Variants in TUBGCP3 observed in about 807,000 individuals in gnomAD.
TUBGCP3 encodes gamma-tubulin complex component 3.
A neutral mutation model predicts 123.1 loss-of-function variants in TUBGCP3; 50 were observed. The observed-to-expected ratio is 0.41, with a 90% confidence interval of 0.32 to 0.51. The LOEUF (loss-of-function observed/expected upper bound fraction) is 0.51, where lower values mean the gene tolerates loss of function less well. Ranked by LOEUF, TUBGCP3 falls within the 20% of genes least tolerant of loss-of-function variation. The pLI is 0.36. For missense variants in TUBGCP3, 882 were observed against 1,127.0 expected (o/e 0.78, Z 3.11); for synonymous variants, 405 against 413.9 (o/e 0.98, Z 0.26).
At chr13:112,564,881 A>G (rs1880833380) in intron 3 of TUBGCP3, among the ~76,000 whole-genome samples, 1 of 152,216 alleles carries the variant, frequency 6.6e-6, no homozygotes, top group Non-Finnish European at 1.5e-5. Context: ...AATTCTGTTG[A>G]CTTTCCCTGT....
chr13:112,521,129 T>C (rs954524616), intron 14 of TUBGCP3, among the ~76,000 whole-genome samples: 72 of 152,314 alleles, frequency 4.7e-4, no homozygotes, highest in African/African-American at 1.7e-3. Context: ...CTGACCCACA[T>C]ACACACCCCA....
chr13:112,571,115 C>G (rs1050249564), intron 1 of TUBGCP3, among the ~76,000 whole-genome samples: 1 of 152,212 alleles, frequency 6.6e-6, no homozygotes, highest in African/African-American at 2.4e-5. Flanking sequence ...TTCCAAACTC[C>G]TGTTAATGTT....
intron 8 of TUBGCP3, among the ~76,000 whole-genome samples, chr13:112,551,508 A>G (rs1490723361): frequency 1.1e-4 from 17 of 152,168 alleles, no homozygotes; most frequent in Admixed American, 9.8e-4. Flanking sequence ...GGCTCTTCAA[A>G]TAAGATAAAT....
chr13:112,554,080 G>A lies in TUBGCP3; in HGVS notation c.943C>T (p.Arg315Cys), dbSNP rs142891996. Residue 315 changes from arginine to cysteine, a missense_variant, in exon 8 of 22, where the codon CGC becomes TGC. Coordinates refer to ENST00000261965, the MANE Select transcript of TUBGCP3 (RefSeq NM_006322.6). ...ACCTGCCCGACGAGTCCGAATGAGC[G>A]GTCCAGGCTCCTCTGGTCCGTGTAT... The part of the protein sequence containing the change: ...RRYTDQRSLD[R>C]SFGLVGQSFC... The A allele has an allele frequency of 4.5e-5, 72 of 1,613,036 alleles. No individual in the cohort carries two copies. The highest frequency in any genetic ancestry group is 3.1e-4 in the South Asian group (28 of 90,758).
Position 112,526,729 on chromosome 13 carries a change from TCAC to T in TUBGCP3, c.1555+210_1555+212del, listed in dbSNP as rs60594920. 3.2e-3 allele frequency among the ~76,000 whole-genome samples: 488 copies of T among 151,092 alleles called. 1 individual carries two copies. The highest frequency in any genetic ancestry group is 0.011 in the African/African-American group (447 of 41,106). On this transcript the variant is annotated intron_variant, in intron 13 of 21. Transcript: ENST00000261965. ...CCCATCATCATCACCATCAACATCATCACCACCATCACTGCCACCACCACGCAT... is the reference window on the plus strand; with the variant it reads ...CCCATCATCATCACCATCAACATCATCACCATCACTGCCACCACCACGCAT...
chr13:112,569,275 A>C lies in TUBGCP3; in HGVS notation c.77-16T>G, dbSNP rs764888406. 1.9e-6 allele frequency: 3 copies of C among 1,613,092 alleles called. No individual in the cohort carries two copies. In the African/African-American group the frequency reaches 4.0e-5, roughly 22 times the overall value. On this transcript the variant is annotated splice_polypyrimidine_tract_variant and intron_variant, in intron 1 of 21. Transcript: ENST00000261965. ...GCTACATCAGCTGAAAGACAAACAA[A>C]AGGATGCGGATTGTTACCAACCAGG... is the stretch of plus-strand genomic sequence containing the variant.
chr13:112,578,530 G>C (rs1023540537), intron 1 of TUBGCP3, among the ~76,000 whole-genome samples: 2 of 118,650 alleles, frequency 1.7e-5, no homozygotes, highest in African/African-American at 6.9e-5. Context: ...CTGCAGTCCA[G>C]CTTGGGCGAA....
intron 20 of TUBGCP3, among the ~76,000 whole-genome samples, chr13:112,498,256 T>C (rs1405899609): frequency 1.3e-5 from 2 of 152,218 alleles, no homozygotes; most frequent in East Asian, 3.8e-4. Flanking sequence ...ATCCTTTATC[T>C]GAAATGCTTG....
At chr13:112,540,216 A>G (rs1878402556) in intron 11 of TUBGCP3, among the ~76,000 whole-genome samples, 3 of 146,816 alleles carry the variant, frequency 2.0e-5, no homozygotes, top group African/African-American at 4.9e-5. Context: ...TCAATGTAGT[A>G]GCCTATGAGC....
intron 3 of TUBGCP3, among the ~76,000 whole-genome samples, chr13:112,560,171 CTG>C (rs1316082454): frequency 6.6e-6 from 1 of 151,288 alleles, no homozygotes; most frequent in Non-Finnish European, 1.5e-5. Flanking sequence ...TGGCTCACGC[CTG>C]TAATCCCAGC....
In TUBGCP3 at chr13:112,486,087, C is replaced by T; in HGVS notation, c.2630G>A (p.Ser877Asn). 6.2e-7 allele frequency: 1 copy of T among 1,610,654 alleles called. No homozygotes were observed. The highest frequency in any genetic ancestry group is 8.5e-7 in the Non-Finnish European group (1 of 1,177,450). ...ATGCTCGTTGAAGTCCAGCCTGAAG[C>T]TAAGAAACCGAAGACTCTCGTCAGA... The part of the protein sequence containing the change: ...TSSDESLRFL[S>N]FRLDFNEHYK... Residue 877 changes from serine (S) to asparagine (N), a missense_variant, in exon 22 of 22, where the codon AGC (serine) becomes AAC (asparagine). By Grantham distance (46) the Ser-to-Asn change is conservative. Coordinates refer to ENST00000261965, the MANE Select transcript of TUBGCP3 (RefSeq NM_006322.6).
chr13:112,587,597 ACT>A (rs1367585841), intron 1 of TUBGCP3, among the ~76,000 whole-genome samples: 1 of 152,106 alleles, frequency 6.6e-6, no homozygotes, highest in Admixed American at 6.5e-5. Flanking sequence ...GTGAGCGGTG[ACT>A]CAGCCCGCTC....
intron 11 of TUBGCP3, among the ~76,000 whole-genome samples, chr13:112,532,161 G>A (rs997552065): frequency 1.3e-5 from 2 of 152,174 alleles, no homozygotes; most frequent in East Asian, 1.9e-4. Flanking sequence ...AATGGCAACC[G>A]GACCAGGGGA....
In TUBGCP3 at chr13:112,534,277, C is replaced by A. The variant is rs111986508; in HGVS notation, c.1336-6793G>T. On this transcript the variant is annotated intron_variant, in intron 11 of 21. Coordinates refer to ENST00000261965, the MANE Select transcript of TUBGCP3 (RefSeq NM_006322.6). Reference sequence around the variant, plus strand: ...TTAAAACTACTGCGGCCGGGCGCGGCGGCTCACGCCTGTAATCCCAGCACT... The same window carrying A: ...TTAAAACTACTGCGGCCGGGCGCGGAGGCTCACGCCTGTAATCCCAGCACT... Among the ~76,000 whole-genome samples, 32 of 152,250 alleles carry A rather than the reference C, an allele frequency of 2.1e-4. 2 individuals are homozygous for A. In the East Asian group the frequency reaches 6.2e-3, roughly 29 times the overall value.
intron 17 of TUBGCP3, among the ~76,000 whole-genome samples, chr13:112,510,682 C>T (rs191168228): frequency 4.6e-5 from 7 of 152,278 alleles, no homozygotes; most frequent in South Asian, 4.1e-4. Flanking sequence ...TAAGTGCCGT[C>T]GCCACCTCAT....
intron 8 of TUBGCP3, among the ~76,000 whole-genome samples, chr13:112,551,786 G>A (rs1222846851): frequency 6.6e-6 from 1 of 150,574 alleles, no homozygotes; most frequent in Non-Finnish European, 1.5e-5. Flanking sequence ...TAAAAGAAGA[G>A]CCTCTAAAGT....
intron 17 of TUBGCP3, among the ~76,000 whole-genome samples, chr13:112,510,310 T>C (rs1021167355): frequency 6.6e-6 from 1 of 152,222 alleles, no homozygotes; most frequent in African/African-American, 2.4e-5. Flanking sequence ...CATCGAGTAC[T>C]GCTAAACATG....
chr13:112,592,192 G>A (rs999030371), upstream of TUBGCP3, among the ~76,000 whole-genome samples: 1 of 152,216 alleles, frequency 6.6e-6, no homozygotes, highest in African/African-American at 2.4e-5. This position sits in a 1 kb window ranked among gnomAD's most constrained non-coding sequence, Gnocchi z 4.1. Flanking sequence ...GTTCACAACC[G>A]ACATAGATAG....
chr13:112,583,701 T>A (rs1227234812), intron 1 of TUBGCP3, among the ~76,000 whole-genome samples: 1 of 152,230 alleles, frequency 6.6e-6, no homozygotes, highest in Admixed American at 6.5e-5. Context: ...GCGGAAAAGT[T>A]GAACTGTTTG....
Sources: gnomAD v4.1 joint callset for allele counts (sites outside exome capture counted in the v4.1 genomes callset) on GRCh38, gnomAD v4.1.1 for gene constraint, Gnocchi (gnomAD v3.1) non-coding constraint, MANE v1.5 for transcripts, NCBI Gene and HGNC (gene_info 2026-07-23, HGNC 2026-07-21) for gene names.